NR5A2: variants seen among roughly 807,000 people sequenced by gnomAD.
The protein encoded by NR5A2 is CYP7A promoter-binding factor.
In NR5A2, 26 loss-of-function variants were observed where a neutral mutation model predicts 62.7. The ratio of observed to expected loss-of-function variants is 0.41; its 90% CI spans 0.30 to 0.58. The LOEUF is 0.58. NR5A2 is among the 20% of genes least tolerant of loss of function. The pLI is 0.22. For synonymous variants in NR5A2, 246 were observed against 241.7 expected, an observed-to-expected ratio of 1.02 and a Z score of -0.16; for missense variants, 541 against 669.1, an observed-to-expected ratio of 0.81 and a Z score of 2.11.
chr1:200,051,541 G>A (rs1662633673), intron 5 of NR5A2, among the ~76,000 whole-genome samples: 1 of 152,154 alleles, frequency 6.6e-6, no homozygotes, highest in African/African-American at 2.4e-5. Context: ...AAGGAAAAGG[G>A]AAAAAAGTAC....
At chr1:200,038,282 A>G (rs1661875392) in intron 1 of NR5A2, among the ~76,000 whole-genome samples, 1 of 152,228 alleles carries the variant, frequency 6.6e-6, no homozygotes, top group Non-Finnish European at 1.5e-5. Flanking sequence ...TTCCGTGTGG[A>G]AACACAGGTC....
intron 7 of NR5A2, among the ~76,000 whole-genome samples, chr1:200,128,973 T>A (rs1381747838): frequency 1.3e-5 from 2 of 152,268 alleles, no homozygotes; most frequent in Non-Finnish European, 2.9e-5. Context: ...CCATTATTTC[T>A]TCTGCTTTGA....
At chr1:200,073,751 A>G in intron 5 of NR5A2, among the ~76,000 whole-genome samples, 1 of 152,002 alleles carries the variant, frequency 6.6e-6, no homozygotes, top group Admixed American at 6.6e-5. Flanking sequence ...CAGTTTCTTG[A>G]TTAATTAATA....
intron 7 of NR5A2, among the ~76,000 whole-genome samples, chr1:200,156,013 C>T (rs1028706499): frequency 1.3e-5 from 2 of 152,156 alleles, no homozygotes; most frequent in Admixed American, 6.5e-5. Flanking sequence ...TCCACTACTT[C>T]CCAAGATGAA....
chr1:200,089,510 G>A (rs1366375452), intron 5 of NR5A2, among the ~76,000 whole-genome samples: 1 of 148,948 alleles, frequency 6.7e-6, no homozygotes, highest in Admixed American at 6.7e-5. Flanking sequence ...ACACTCTGTC[G>A]CCCAGGATGG....
At position 200,039,644 on chromosome 1, in the gene NR5A2, C is replaced by T. The variant is rs776447561; in HGVS notation, c.65-14C>T. 112 of 1,611,404 alleles carry T rather than the reference C, an allele frequency of 7.0e-5. No individual in the cohort carries two copies. Among genetic ancestry groups the T allele is most frequent in the Non-Finnish European group, 8.8e-5 (104 of 1,179,018 alleles). On this transcript the variant is annotated splice_polypyrimidine_tract_variant and intron_variant, in intron 1 of 7. Coordinates refer to ENST00000367362, the MANE Select transcript of NR5A2 (RefSeq NM_205860.3). This position sits in a 1 kb window ranked among gnomAD's most constrained non-coding sequence, Gnocchi z 5.1. ...TCTTTTCGCCGGAGTTGAATCTGTG[C>T]TGCCCGTGTCCAGGTGCTGGGCTTC...
chr1:200,095,527 A>C (rs181208694), intron 5 of NR5A2, among the ~76,000 whole-genome samples: 25 of 152,170 alleles, frequency 1.6e-4, no homozygotes, highest in Admixed American at 1.5e-3. Context: ...GGTATCTTCT[A>C]AGTAAAAGTC....
chr1:200,120,582 G>A (rs544505492), intron 6 of NR5A2, among the ~76,000 whole-genome samples: 2 of 152,294 alleles, frequency 1.3e-5, no homozygotes, highest in East Asian at 3.9e-4. Flanking sequence ...TTGTGGCCAG[G>A]CATGGTGGCT....
intron 5 of NR5A2, among the ~76,000 whole-genome samples, chr1:200,108,973 C>G (rs998013538): frequency 6.6e-6 from 1 of 152,210 alleles, no homozygotes; most frequent in East Asian, 1.9e-4. Flanking sequence ...AAACCACATG[C>G]CATTCTGGAG....
At chr1:200,053,067 A>G (rs1481848623) in intron 5 of NR5A2, among the ~76,000 whole-genome samples, 1 of 152,186 alleles carries the variant, frequency 6.6e-6, no homozygotes, top group Non-Finnish European at 1.5e-5. Context: ...TTGTTTTTCT[A>G]TACATCTACA....
At chr1:200,158,657 G>C (rs188201353) in intron 7 of NR5A2, among the ~76,000 whole-genome samples, 1 of 151,974 alleles carries the variant, frequency 6.6e-6, no homozygotes, top group Non-Finnish European at 1.5e-5. Context: ...GTGCAGTGGC[G>C]TGATCTCAGC....
intron 5 of NR5A2, among the ~76,000 whole-genome samples, chr1:200,065,716 G>A (rs775446208): frequency 5.3e-5 from 8 of 152,178 alleles, no homozygotes; most frequent in Non-Finnish European, 8.8e-5. Context: ...GAAGTGGGAA[G>A]AAACAAGTGA....
intron 5 of NR5A2, among the ~76,000 whole-genome samples, chr1:200,099,375 C>A (rs1470873221): frequency 6.6e-6 from 1 of 151,420 alleles, no homozygotes. Context: ...TGTAAAGCAA[C>A]CTATGAAGGA....
At position 200,048,923 on chromosome 1, in the gene NR5A2, T is replaced by G. The variant is rs1662509942; in HGVS notation, c.1110+105T>G. On this transcript the variant is annotated intron_variant, in intron 5 of 7. Coordinates refer to ENST00000367362, the MANE Select transcript of NR5A2 (RefSeq NM_205860.3). This position sits in a 1 kb window ranked among gnomAD's most constrained non-coding sequence, Gnocchi z 4.8. Reference sequence around the variant, plus strand: ...GCTGAAAATATGTGTTCCTTAATTTTCTACTTTGTATGATTTACAGAGTAG... The same window carrying G: ...GCTGAAAATATGTGTTCCTTAATTTGCTACTTTGTATGATTTACAGAGTAG... The G allele has an allele frequency of 1.4e-6, 2 of 1,381,384 alleles. No individual in the cohort carries two copies. Among genetic ancestry groups the G allele is most frequent in the Non-Finnish European group, 2.0e-6 (2 of 1,009,076 alleles). The allele number at this position is 1,381,384 out of a possible 1,614,324, so 85.6% of individuals were successfully genotyped here.
intron 5 of NR5A2, among the ~76,000 whole-genome samples, chr1:200,060,055 G>C (rs547425305): frequency 5.3e-5 from 8 of 152,202 alleles, no homozygotes; most frequent in African/African-American, 1.7e-4. Context: ...CTAACATCAG[G>C]CAGCCAGTGG....
At chr1:200,052,133 A>G (rs2821372) in intron 5 of NR5A2, among the ~76,000 whole-genome samples, 39,768 of 152,040 alleles carry the variant, frequency 0.26, 6,192 homozygotes, top group African/African-American at 0.43. Flanking sequence ...CAATTCAGGA[A>G]AACTTGCTGC....
intron 2 of NR5A2, among the ~76,000 whole-genome samples, chr1:200,041,099 G>A (rs1357303459): frequency 6.6e-6 from 1 of 152,172 alleles, no homozygotes; most frequent in Non-Finnish European, 1.5e-5. Flanking sequence ...GCTGGGTTGG[G>A]GGACCTCAGC....
At chr1:200,142,985 G>A (rs1204812561) in intron 7 of NR5A2, among the ~76,000 whole-genome samples, 2 of 151,962 alleles carry the variant, frequency 1.3e-5, no homozygotes, top group African/African-American at 2.4e-5. Flanking sequence ...TATTTTTGCT[G>A]ACTTTTTCCT....
intron 4 of NR5A2, among the ~76,000 whole-genome samples, chr1:200,047,740 C>T (rs1443796581): frequency 2.0e-5 from 3 of 152,050 alleles, no homozygotes; most frequent in African/African-American, 7.3e-5. Flanking sequence ...CTACGCCTGG[C>T]TAATTTTTTG....
Sources: gnomAD v4.1 joint callset for allele counts (sites outside exome capture counted in the v4.1 genomes callset) on GRCh38, gnomAD v4.1.1 for gene constraint, Gnocchi (gnomAD v3.1) non-coding constraint, MANE v1.5 for transcripts, NCBI Gene and HGNC (gene_info 2026-07-23, HGNC 2026-07-21) for gene names.